The following TBC1D10C variants were observed in gnomAD, a reference collection of about 807,000 sequenced individuals.
The protein encoded by TBC1D10C is TBC1 domain family member 10C, also known as carabin.
Under a neutral mutation model 51.0 loss-of-function variants are expected in TBC1D10C, and 49 were observed. The ratio of observed to expected loss-of-function variants is 0.96; its 90% CI spans 0.76 to 1.22. TBC1D10C has a LOEUF of 1.22. TBC1D10C is among the 50% of genes most tolerant of loss of function. TBC1D10C has a pLI of 0.00. For missense variants in TBC1D10C, 541 were observed against 617.5 expected (o/e 0.88, Z 1.31); for synonymous variants, 281 against 266.7 (o/e 1.05, Z -0.52).
rs774449245 is a variant in TBC1D10C at position 67,409,729 on chromosome 11, C to T, written c.1316C>T (p.Thr439Ile). Residue 439 changes from threonine (T) to isoleucine (I), a missense_variant, in exon 9 of 9, where the codon ACC (threonine) becomes ATC (isoleucine). Thr to Ile is a moderately conservative substitution (Grantham distance 89, BLOSUM62 -1). Transcript: ENST00000542590. ...CCCCCCAGGCCCCAACGAGGCTCCA[C>T]CTCCTTCCTGGACACCCGCTTCTGA... is the stretch of plus-strand genomic sequence containing the variant. The part of the protein sequence containing the change: ...EGPPRPQRGS[T>I]SFLDTRF The T allele has an allele frequency of 3.1e-6, 5 of 1,588,854 alleles. No individual in the cohort carries two copies. Among genetic ancestry groups the T allele is most frequent in the East Asian group, 2.2e-5 (1 of 44,840 alleles).
In TBC1D10C at chr11:67,405,218, G is replaced by A. The variant is rs552691477; in HGVS notation, c.252+34G>A. ...GGCAGGGGCCCCACTTGGCTTCCATGGCTCATTCCTCTCTGCCTCAGCCCA... is the reference window on the plus strand; with the variant it reads ...GGCAGGGGCCCCACTTGGCTTCCATAGCTCATTCCTCTCTGCCTCAGCCCA... On this transcript the variant is annotated intron_variant, in intron 2 of 8. Coordinates refer to ENST00000542590, the MANE Select transcript of TBC1D10C (RefSeq NM_001369496.1). 92 of 1,542,538 alleles carry A rather than the reference G, an allele frequency of 6.0e-5. 2 individuals carry two copies. In the South Asian group the frequency reaches 1.0e-3, roughly 17 times the overall value.
At position 67,406,694 on chromosome 11, in the gene TBC1D10C, T is replaced by C; in HGVS notation, c.648+2T>C. ...CCTGGGTACTACGGGCCCCACATGG[T>C]GAGAGGCTGACATGGGGGCTGGAGG... On this transcript the variant is annotated splice_donor_variant, in intron 6 of 8. Transcript: ENST00000542590. LOFTEE classifies it high-confidence loss of function. 1 of 1,575,496 alleles carries C rather than the reference T, an allele frequency of 6.3e-7. No individual in the cohort carries two copies. The highest frequency in any genetic ancestry group is 1.1e-5 in the South Asian group (1 of 87,016).
At chr11:67,408,880 C>G in intron 7 of TBC1D10C, 99 bp from the exon 8 acceptor site, 1 of 1,414,964 alleles carries the variant, frequency 7.1e-7, no homozygotes, top group South Asian at 1.5e-5. Context: ...GAGGGCAGAG[C>G]TGCAGGAGAG....
rs772010052 is a variant in TBC1D10C, at chr11:67,409,660, T to C, written c.1247T>C (p.Phe416Ser). ...AAACCCCAGACCCGCGGCAAGACTT[T>C]CCATGGGCTCCTGACTCGGGCCCGG... ...RRKPQTRGKT[F>S]HGLLTRARGP... is the part of the protein sequence containing the mutation. Residue 416 changes from phenylalanine to serine, a missense_variant, in exon 9 of 9, where the codon TTC becomes TCC. Phe to Ser is a radical substitution (Grantham distance 155). Transcript: ENST00000542590. The C allele has an allele frequency of 3.1e-6, 5 of 1,603,114 alleles. No individual in the cohort carries two copies. Among genetic ancestry groups the C allele is most frequent in the South Asian group, 1.1e-5 (1 of 90,442 alleles).
Position 67,409,709 on chromosome 11 carries a change from C to CA in TBC1D10C, c.1297dup (p.Arg433LysfsTer21). ...GGGGCCCCCCCATCGAGGGGCCCCCCAGGCCCCAACGAGGCTCCACCTCCT... is the reference window on the plus strand; with the variant it reads ...GGGGCCCCCCCATCGAGGGGCCCCCCAAGGCCCCAACGAGGCTCCACCTCCT... On this transcript the variant is annotated frameshift_variant, in exon 9 of 9. Coordinates refer to ENST00000542590, the MANE Select transcript of TBC1D10C (RefSeq NM_001369496.1). LOFTEE classifies it high-confidence loss of function. 6.3e-7 allele frequency: 1 copy of CA among 1,593,278 alleles called. No individual in the cohort carries two copies. Among genetic ancestry groups the CA allele is most frequent in the Non-Finnish European group, 8.5e-7 (1 of 1,177,516 alleles).
chr11:67,409,875 C>A lies in TBC1D10C; in HGVS notation c.*121C>A. ...ACTTGGCTTCCTTCCTGGCAAGGAC[C>A]AGGCAGTGGGGAAGGAGGAGGTCCT... On this transcript the variant is annotated 3_prime_UTR_variant, in exon 9 of 9. Coordinates refer to ENST00000542590, the MANE Select transcript of TBC1D10C (RefSeq NM_001369496.1). The A allele has an allele frequency of 1.2e-6, 1 of 864,660 alleles. No homozygotes were observed. The highest frequency in any genetic ancestry group is 2.6e-5 in the East Asian group (1 of 37,824). The allele number at this position is 864,660 out of a possible 1,614,324, so 53.6% of individuals were successfully genotyped here.
rs757719341 is a variant in TBC1D10C at position 67,406,019 on chromosome 11, T to C, written c.582+2T>C. 17 of 1,567,604 alleles carry C rather than the reference T, an allele frequency of 1.1e-5. No homozygotes were observed. The highest frequency in any genetic ancestry group is 8.6e-6 in the Non-Finnish European group (10 of 1,160,320). The stretch of plus-strand genomic sequence containing the variant: ...CTGCTCATGCACCTGCCCCCAGAGG[T>C]GAGTGACCTTGACCCTGCTCTGGGA... On this transcript the variant is annotated splice_donor_variant, in intron 5 of 8. Transcript: ENST00000542590. LOFTEE classifies it high-confidence loss of function.
intron 6 of TBC1D10C, 56 bp from the exon 7 acceptor site, chr11:67,406,771 G>A (rs906087446): frequency 6.2e-7 from 1 of 1,609,362 alleles, no homozygotes. Flanking sequence ...ACTGAGGGAG[G>A]TTGAGCCTGG....
At chr11:67,407,106 C>T in intron 7 of TBC1D10C, 90 bp downstream of exon 7, 2 of 1,413,898 alleles carry the variant, frequency 1.4e-6, no homozygotes, top group South Asian at 2.7e-5. Flanking sequence ...TTTTGAGCCT[C>T]AAATCACAGG....
intron 1 of TBC1D10C, 30 bp from the exon 2 acceptor site, chr11:67,405,055 C>A: frequency 6.5e-7 from 1 of 1,538,704 alleles, no homozygotes; most frequent in East Asian, 2.5e-5. Flanking sequence ...AGCTGCCCAG[C>A]GTCTGGATAC....
rs1370920188 is a variant in TBC1D10C, at chr11:67,409,192, G to A, written c.993+59G>A. On this transcript the variant is annotated intron_variant, in intron 8 of 8. Coordinates refer to ENST00000542590, the MANE Select transcript of TBC1D10C (RefSeq NM_001369496.1). ...GCCCCTGCTGCACGGGGGAAACTGA[G>A]TCCCAGAGCAGGAAGCCAAAGCGAG... 4.6e-6 allele frequency: 7 copies of A among 1,506,822 alleles called. No homozygotes were observed. In the African/African-American group the frequency reaches 5.6e-5, roughly 12 times the overall value. 93.3% of individuals were successfully genotyped at this position (1,506,822 alleles called of 1,614,324 possible).
At chr11:67,407,368 T>C in intron 7 of TBC1D10C, 1 of 257,142 alleles carries the variant, frequency 3.9e-6, no homozygotes, top group Non-Finnish European at 7.4e-6. Context: ...GGGAATCAAG[T>C]GATCGAGACC....
chr11:67,404,054 C>T, upstream of TBC1D10C: 1 of 997,120 alleles, frequency 1.0e-6, no homozygotes, highest in Non-Finnish European at 1.4e-6. Context: ...CCCCTGCCCC[C>T]ATAAAAGAGG....
intron 7 of TBC1D10C, 157 bp from the exon 8 acceptor site, chr11:67,408,822 T>C: frequency 1.0e-6 from 1 of 966,514 alleles, no homozygotes; most frequent in Middle Eastern, 3.4e-4. Flanking sequence ...CAGCGGCCTG[T>C]GTTACCCGAA....
chr11:67,404,921 C>T (rs935208196), intron 1 of TBC1D10C, 164 bp from the exon 2 acceptor site: 1 of 619,244 alleles, frequency 1.6e-6, no homozygotes. Context: ...CTTTCCTGTC[C>T]CCGTGACAAG....
intron 1 of TBC1D10C, among the ~76,000 whole-genome samples, 170 bp downstream of exon 1, chr11:67,404,524 G>A (rs1442740887): frequency 1.3e-5 from 2 of 152,168 alleles, no homozygotes; most frequent in South Asian, 2.1e-4. Context: ...GGAAGGGTCC[G>A]GGGAGGCCTC....
Position 67,409,945 on chromosome 11 carries a change from A to C in TBC1D10C, c.*191A>C, listed in dbSNP as rs1281247892. On this transcript the variant is annotated 3_prime_UTR_variant, in exon 9 of 9. Transcript: ENST00000542590. Reference sequence around the variant, plus strand: ...AGGCACTAGCATGGAGGAGGGTCACAGAGTGGGGCACGTGAGGACCCATGG... The same window carrying C: ...AGGCACTAGCATGGAGGAGGGTCACCGAGTGGGGCACGTGAGGACCCATGG... 1.7e-6 allele frequency: 1 copy of C among 588,600 alleles called. No homozygotes were observed. 36.5% of individuals were successfully genotyped at this position (588,600 alleles called of 1,614,324 possible). A position where few individuals can be genotyped will look rare whatever the true frequency, so the allele number is the denominator to read the frequency against.
chr11:67,407,181 G>A (rs1325366916), intron 7 of TBC1D10C, 165 bp downstream of exon 7: 6 of 854,566 alleles, frequency 7.0e-6, no homozygotes, highest in Non-Finnish European at 1.1e-5. Flanking sequence ...CATCACCCAG[G>A]CACCGCCTGG....
In TBC1D10C at chr11:67,409,603, AG is replaced by A; in HGVS notation, c.1191del (p.Gln397HisfsTer24). 1.3e-6 allele frequency: 2 copies of A among 1,552,050 alleles called. No individual in the cohort carries two copies. The highest frequency in any genetic ancestry group is 1.2e-5 in the South Asian group (1 of 84,574). On this transcript the variant is annotated frameshift_variant, in exon 9 of 9. Transcript: ENST00000542590. LOFTEE classifies it high-confidence loss of function. ...AKPEVPRIVVQPPEEPRPPRR... is the reference protein window; with the variant it reads ...AKPEVPRIVVXPPEEPRPPRR... ...CCTGAGGTGCCTCGGATTGTGGTGC[AG>A]CCCCCGGAGGAGCCCAGACCACCGC... is the stretch of plus-strand genomic sequence containing the variant.
Sources: allele counts gnomAD v4.1 joint callset (sites outside exome capture counted in the v4.1 genomes callset), GRCh38; gene constraint gnomAD v4.1.1; transcripts MANE v1.5; gene names NCBI Gene and HGNC (gene_info 2026-07-23, HGNC 2026-07-21).